ABCA13: variants seen among roughly 807,000 people sequenced by gnomAD.
The protein encoded by ABCA13 is ATP-binding cassette sub-family A member 13.
In ABCA13, 476 loss-of-function variants were observed where a neutral mutation model predicts 478.7. The observed-to-expected ratio is 0.99, with a 90% CI of 0.92 to 1.07. The LOEUF is 1.07. Among genes scored for constraint, ABCA13 ranks in the 50% least tolerant of loss-of-function variants. The probability of loss-of-function intolerance (pLI) is 0.00; values close to 1 mark genes in which losing one functional copy is unlikely to be tolerated. For missense variants in ABCA13, 6,060 were observed against 5,910.6 expected, an observed-to-expected ratio of 1.03 and a Z score of -0.83; for synonymous variants, 2,252 against 2,158.9, an observed-to-expected ratio of 1.04 and a Z score of -1.20.
intron 50 of ABCA13, 28 bp from the exon 51 acceptor site, chr7:48,511,056 T>C (rs1464259730): frequency 1.3e-6 from 2 of 1,544,672 alleles, no homozygotes. Context: ...ATGTAACAGC[T>C]CTCCCTTATT....
intron 41 of ABCA13, among the ~76,000 whole-genome samples, chr7:48,417,926 C>A (rs1257017294): frequency 2.0e-5 from 3 of 152,174 alleles, no homozygotes; most frequent in Admixed American, 1.3e-4. Flanking sequence ...AGTTGGGAAT[C>A]ATACAACCCT....
intron 59 of ABCA13, among the ~76,000 whole-genome samples, chr7:48,637,712 T>TA (rs1324172321): frequency 2.0e-5 from 3 of 152,158 alleles, no homozygotes; most frequent in Non-Finnish European, 2.9e-5. Flanking sequence ...TATTTTTTTT[T>TA]ATCCCACTGA....
chr7:48,396,099 G>A (rs2129061908), intron 38 of ABCA13, among the ~76,000 whole-genome samples: 1 of 152,336 alleles, frequency 6.6e-6, no homozygotes, highest in East Asian at 1.9e-4. Flanking sequence ...CTGTGCTCCT[G>A]CCCATGCTGG....
chr7:48,281,385 C>T lies in ABCA13; in HGVS notation c.8769C>T (p.Pro2923=), dbSNP rs1463060046. ...AAGTTTTCCAGCAGACTGTGAAGCC[C>T]TCAGAAGCCATGGAGATGCTGCAGA... ...ICEVFQQTVK[P]SEAMEMLQKV... Residue 2923 remains proline, a synonymous_variant, in exon 19 of 62, where the codon CCC becomes CCT. Coordinates refer to ENST00000435803, the MANE Select transcript of ABCA13 (RefSeq NM_152701.5). 2 of 1,609,620 alleles carry T rather than the reference C, an allele frequency of 1.2e-6. No homozygotes were observed. The highest frequency in any genetic ancestry group is 1.7e-6 in the Non-Finnish European group (2 of 1,178,052).
Position 48,279,504 on chromosome 7 carries a change from C to T in ABCA13, c.8310C>T (p.Asn2770=), listed in dbSNP as rs747805492. The T allele has an allele frequency of 6.2e-7, 1 of 1,612,950 alleles. No individual in the cohort carries two copies. Among genetic ancestry groups the T allele is most frequent in the Non-Finnish European group, 8.5e-7 (1 of 1,179,526 alleles). The change falls in exon 18 of 62, where the codon AAC becomes AAT. Residue 2770 remains asparagine (N), a synonymous_variant. Coordinates refer to ENST00000435803, the MANE Select transcript of ABCA13 (RefSeq NM_152701.5). ...VLMTFTQHPN[N]LLKTIETVLE... Reference sequence around the variant, plus strand: ...TGACATTTACTCAGCATCCAAATAACCTTTTGAAAACCATAGAAACAGTTT... The same window carrying T: ...TGACATTTACTCAGCATCCAAATAATCTTTTGAAAACCATAGAAACAGTTT...
chr7:48,391,707 T>C (rs1395955446), intron 37 of ABCA13, among the ~76,000 whole-genome samples: 1 of 152,220 alleles, frequency 6.6e-6, no homozygotes, highest in Non-Finnish European at 1.5e-5. Flanking sequence ...TTATTTCATG[T>C]GGTAGCATAA....
intron 42 of ABCA13, among the ~76,000 whole-genome samples, chr7:48,448,491 C>T (rs1462484304): frequency 2.6e-5 from 4 of 152,136 alleles, no homozygotes; most frequent in African/African-American, 9.7e-5. Flanking sequence ...TAAGGTATGA[C>T]CTTATTCACA....
At chr7:48,383,842 A>T (rs1356214594) in intron 35 of ABCA13, among the ~76,000 whole-genome samples, 3 of 152,160 alleles carry the variant, frequency 2.0e-5, no homozygotes, top group Non-Finnish European at 4.4e-5. Context: ...CCTCTGTTTT[A>T]AAAAAATATT....
At position 48,455,294 on chromosome 7, in the gene ABCA13, G is replaced by T. The variant is rs1357438563; in HGVS notation, c.12815+8G>T. 4.4e-6 allele frequency: 7 copies of T among 1,590,242 alleles called. No homozygotes were observed. In the East Asian group the frequency reaches 1.6e-4, roughly 36 times the overall value. ...CGAGACCTACTTTTTCAGGTAAGTT[G>T]TTTTTGTTCCTTTGATTTCGAAATT... is the stretch of plus-strand genomic sequence containing the variant. On this transcript the variant is annotated splice_region_variant and intron_variant, in intron 43 of 61. Coordinates refer to ENST00000435803, the MANE Select transcript of ABCA13 (RefSeq NM_152701.5).
At chr7:48,617,176 T>A in intron 59 of ABCA13, among the ~76,000 whole-genome samples, 1 of 152,176 alleles carries the variant, frequency 6.6e-6, no homozygotes, top group African/African-American at 2.4e-5. Context: ...TAACAATAAC[T>A]AGATTTTTCA....
In ABCA13 at chr7:48,536,356, A is replaced by G. The variant is rs143943441; in HGVS notation, c.14354+8011A>G. On this transcript the variant is annotated intron_variant, in intron 55 of 61. Transcript: ENST00000435803. ...GTTCTTACAAGAATATTTTAAATTT[A>G]TCACTTTAAGGCCAGGTGCAGTGGC... Among the ~76,000 whole-genome samples the G allele has an allele frequency of 6.2e-3, 945 of 152,308 alleles. 10 individuals are homozygous for G. Among genetic ancestry groups the G allele is most frequent in the African/African-American group, 0.022 (900 of 41,572 alleles).
At chr7:48,250,497 G>A (rs1792386330) in intron 15 of ABCA13, among the ~76,000 whole-genome samples, 1 of 152,138 alleles carries the variant, frequency 6.6e-6, no homozygotes, top group African/African-American at 2.4e-5. Context: ...CTAGTCACCA[G>A]TCATTCATTA....
At chr7:48,524,498 C>G (rs1297977424) in intron 54 of ABCA13, 58 bp downstream of exon 54, 1 of 1,444,306 alleles carries the variant, frequency 6.9e-7, no homozygotes, top group Non-Finnish European at 9.4e-7. Flanking sequence ...ACTCTAGTAG[C>G]TGATCTGCTT....
chr7:48,434,810 A>T (rs1312181085), intron 42 of ABCA13, among the ~76,000 whole-genome samples: 1 of 151,852 alleles, frequency 6.6e-6, no homozygotes. Context: ...AAACCAATTG[A>T]CCATATATGT....
intron 1 of ABCA13, among the ~76,000 whole-genome samples, chr7:48,173,508 A>T (rs1235052076): frequency 6.6e-6 from 1 of 152,254 alleles, no homozygotes; most frequent in African/African-American, 2.4e-5. Context: ...GCCCACAAAG[A>T]GCTATAGTCT....
At chr7:48,486,405 CATTACCCACTGTTTTCACACTGTAAT>C (rs1829302852) in intron 47 of ABCA13, among the ~76,000 whole-genome samples, 2 of 152,308 alleles carry the variant, frequency 1.3e-5, no homozygotes, top group South Asian at 4.1e-4. Flanking sequence ...ATACAGGTGA[CATTACCCACTGTTTTCACACTGTAAT>C]ATGCGTCACC....
rs758761015 is a variant in ABCA13 at position 48,287,945 on chromosome 7, T to A, written c.8837-15T>A. 1 of 1,600,528 alleles carries A rather than the reference T, an allele frequency of 6.2e-7. No homozygotes were observed. The highest frequency in any genetic ancestry group is 1.1e-5 in the South Asian group (1 of 90,758). ...ACTGTCTATTAATTATTTCTCTGTGTGTTTCCTCTGGCAGAAAACCCTTCC... is the reference window on the plus strand; with the variant it reads ...ACTGTCTATTAATTATTTCTCTGTGAGTTTCCTCTGGCAGAAAACCCTTCC... On this transcript the variant is annotated splice_polypyrimidine_tract_variant and intron_variant, in intron 19 of 61. Transcript: ENST00000435803.
chr7:48,588,729 GCAGATGGTAAACCA>G (rs1789443927), intron 57 of ABCA13, among the ~76,000 whole-genome samples: 2 of 152,206 alleles, frequency 1.3e-5, no homozygotes, highest in South Asian at 4.1e-4. Context: ...CCAGTGTCTA[GCAGATGGTAAACCA>G]CAGTAAATAT....
intron 18 of ABCA13, among the ~76,000 whole-genome samples, chr7:48,280,292 G>A (rs1796863470): frequency 2.0e-5 from 3 of 152,176 alleles, no homozygotes. Context: ...AGAACATGAA[G>A]CTGCTTGCTT....
Sources: allele counts gnomAD v4.1 joint callset (sites outside exome capture counted in the v4.1 genomes callset), GRCh38; gene constraint gnomAD v4.1.1; transcripts MANE v1.5; gene names NCBI Gene and HGNC (gene_info 2026-07-23, HGNC 2026-07-21).